CD109: variants seen among roughly 807,000 people sequenced by gnomAD.
CD109 encodes the protein CD109 molecule.
In CD109, 149 loss-of-function variants were observed where a neutral mutation model predicts 165.8. The ratio of observed to expected loss-of-function variants is 0.90; its 90% CI spans 0.79 to 1.03. The LOEUF (loss-of-function observed/expected upper bound fraction) is 1.03, where lower values mean the gene tolerates loss of function less well. Ranked by LOEUF, CD109 falls within the 50% of genes least tolerant of loss-of-function variation. The pLI is 0.00. For synonymous variants in CD109, 585 were observed against 592.1 expected, an observed-to-expected ratio of 0.99 and a Z score of 0.18; for missense variants, 1,712 against 1,677.8, an observed-to-expected ratio of 1.02 and a Z score of -0.36.
chr6:73,760,065 C>G (rs1773553574), intron 7 of CD109, among the ~76,000 whole-genome samples: 1 of 152,078 alleles, frequency 6.6e-6, no homozygotes, highest in African/African-American at 2.4e-5. Context: ...CCATGTCTGG[C>G]TCAGCATTTC....
chr6:73,786,380 AT>A (rs1039575938), intron 20 of CD109, among the ~76,000 whole-genome samples: 16 of 151,788 alleles, frequency 1.1e-4, no homozygotes, highest in East Asian at 3.8e-4. Flanking sequence ...TTTATATATA[AT>A]TTTTTTTAAT....
chr6:73,720,162 AT>A (rs942333801), intron 2 of CD109, among the ~76,000 whole-genome samples: 2 of 152,028 alleles, frequency 1.3e-5, no homozygotes, highest in Non-Finnish European at 1.5e-5. Context: ...CTATTCAGCC[AT>A]TTTTTTTAAC....
chr6:73,728,776 A>T (rs1772235252), intron 3 of CD109, among the ~76,000 whole-genome samples: 2 of 152,232 alleles, frequency 1.3e-5, no homozygotes, highest in Non-Finnish European at 2.9e-5. Flanking sequence ...ATGAGTCAGG[A>T]TATAGTTTCG....
intron 17 of CD109, 32 bp from the exon 18 acceptor site, chr6:73,782,582 T>G: frequency 1.3e-6 from 2 of 1,599,292 alleles, no homozygotes; most frequent in Non-Finnish European, 1.7e-6. Context: ...CCAGTGACTG[T>G]TTTTCTAACT....
intron 17 of CD109, among the ~76,000 whole-genome samples, chr6:73,781,748 TACACAC>T (rs71845700): frequency 2.1e-5 from 3 of 145,610 alleles, no homozygotes; most frequent in Non-Finnish European, 4.5e-5. Context: ...AGTATTCTGG[TACACAC>T]ACACACACAC....
chr6:73,792,602 G>T lies in CD109; in HGVS notation c.2702-24G>T. The stretch of plus-strand genomic sequence containing the variant: ...CGTTGTTACTGAGTATTTACTGAAT[G>T]AACTGCATGTCTTGTGCTTCCAGGA... On this transcript the variant is annotated intron_variant, in intron 22 of 32. Coordinates refer to ENST00000287097, the MANE Select transcript of CD109 (RefSeq NM_133493.5). 3 of 1,609,840 alleles carry T rather than the reference G, an allele frequency of 1.9e-6. No individual in the cohort carries two copies. In the South Asian group the frequency reaches 3.3e-5, roughly 18 times the overall value.
At chr6:73,794,369 C>T (rs556330840) in intron 23 of CD109, among the ~76,000 whole-genome samples, 160 of 152,262 alleles carry the variant, frequency 1.1e-3, no homozygotes, top group Middle Eastern at 3.4e-3. Context: ...GACCAGGAAT[C>T]GGGACGGGAT....
chr6:73,738,529 GA>G (rs1391693406), intron 5 of CD109, among the ~76,000 whole-genome samples: 8 of 152,338 alleles, frequency 5.3e-5, no homozygotes, highest in Non-Finnish European at 7.3e-5. Flanking sequence ...AAGAGAGGGG[GA>G]TAGAATAGCA....
upstream of CD109, among the ~76,000 whole-genome samples, chr6:73,690,812 A>G (rs1276620997): frequency 6.6e-6 from 1 of 152,246 alleles, no homozygotes; most frequent in Admixed American, 6.5e-5. Context: ...TATTATATTT[A>G]TAACATAATT....
chr6:73,793,114 C>A (rs545756240), intron 23 of CD109, among the ~76,000 whole-genome samples: 2 of 152,302 alleles, frequency 1.3e-5, no homozygotes, highest in East Asian at 3.9e-4. Flanking sequence ...AATACTCATT[C>A]ATTTTATTAC....
intron 2 of CD109, among the ~76,000 whole-genome samples, chr6:73,715,584 G>T (rs1311298158): frequency 1.4e-5 from 2 of 144,588 alleles, no homozygotes; most frequent in Admixed American, 6.9e-5. Flanking sequence ...AAAAAAAAAA[G>T]GTATGTATAA....
In CD109 at chr6:73,824,683, C is replaced by T. The variant is rs1776218102; in HGVS notation, c.*1050C>T. ...TAGACTGCCAGTTGTCTAGTGACAT[C>T]TGATGCTTGCTGTGAACTTTTAAGA... is the stretch of plus-strand genomic sequence containing the variant. On this transcript the variant is annotated 3_prime_UTR_variant, in exon 33 of 33. Coordinates refer to ENST00000287097, the MANE Select transcript of CD109 (RefSeq NM_133493.5). The T allele has an allele frequency of 6.6e-6, 1 of 152,198 alleles. No homozygotes were observed. Among genetic ancestry groups the T allele is most frequent in the African/African-American group, 2.4e-5 (1 of 41,454 alleles). The allele number at this position is 152,198 out of a possible 1,614,324, so 9.4% of individuals were successfully genotyped here.
intron 24 of CD109, among the ~76,000 whole-genome samples, chr6:73,806,129 T>C (rs1215731347): frequency 6.6e-6 from 1 of 152,090 alleles, no homozygotes; most frequent in Non-Finnish European, 1.5e-5. Flanking sequence ...CCATCAATGA[T>C]AGACTGGATT....
intron 23 of CD109, among the ~76,000 whole-genome samples, chr6:73,798,499 G>A (rs76997444): frequency 0.043 from 6,566 of 152,202 alleles, 324 homozygotes; most frequent in East Asian, 0.19. Flanking sequence ...GATGCATGCT[G>A]GTTTAAGATG....
chr6:73,709,476 C>T (rs1179941114), intron 2 of CD109, among the ~76,000 whole-genome samples: 1 of 152,112 alleles, frequency 6.6e-6, no homozygotes, highest in South Asian at 2.1e-4. Flanking sequence ...ATTGACTTGG[C>T]AATGTGAGTT....
At chr6:73,807,128 T>G (rs1221430387) in intron 25 of CD109, 56 bp downstream of exon 25, 56 of 1,302,306 alleles carry the variant, frequency 4.3e-5, no homozygotes, top group Non-Finnish European at 4.4e-5. Context: ...AAGGTAGGTC[T>G]TAATGGGTCA....
rs35238647 is a variant in CD109 at position 73,818,404 on chromosome 6, A to G, written c.3928A>G (p.Arg1310Gly). 4.9e-3 allele frequency: 7,838 copies of G among 1,613,830 alleles called. 31 individuals are homozygous for G. The highest frequency in any genetic ancestry group is 5.7e-3 in the Non-Finnish European group (6,767 of 1,179,918). ...TTGATTTAGCTTTTCGGGCCCGGGT[A>G]GGAGTGGCATGGCTCTTATGGAAGT... The part of the protein sequence containing the change: ...NVCTSFSGPG[R>G]SGMALMEVNL... The change falls in exon 31 of 33, where the codon AGG (arginine) becomes GGG (glycine). Residue 1310 changes from arginine to glycine, a missense_variant. Arg to Gly is a moderately radical substitution (Grantham distance 125). Transcript: ENST00000287097.
intron 5 of CD109, among the ~76,000 whole-genome samples, chr6:73,741,432 A>G (rs1034115504): frequency 2.6e-5 from 4 of 152,128 alleles, no homozygotes; most frequent in Admixed American, 6.5e-5. Flanking sequence ...CTTTTCATAG[A>G]AGTGTGTTTT....
chr6:73,766,735 C>G (rs1233167436), intron 11 of CD109, 24 bp from the exon 12 acceptor site: 2 of 1,516,324 alleles, frequency 1.3e-6, no homozygotes, highest in African/African-American at 2.8e-5. Flanking sequence ...TGAACATTTA[C>G]AGCTCCTTTT....
Sources: allele counts gnomAD v4.1 joint callset (sites outside exome capture counted in the v4.1 genomes callset), GRCh38; gene constraint gnomAD v4.1.1; transcripts MANE v1.5; gene names NCBI Gene and HGNC (gene_info 2026-07-23, HGNC 2026-07-21).